Variants in EXOC4 observed in about 807,000 individuals in gnomAD.
The protein encoded by EXOC4 is SEC8-like 1.
A neutral mutation model predicts 107.2 loss-of-function variants in EXOC4; 71 were observed. The observed-to-expected ratio is 0.66, with a 90% confidence interval of 0.55 to 0.81. EXOC4 has a LOEUF of 0.81. Ranked by LOEUF, EXOC4 falls within the 30% of genes least tolerant of loss-of-function variation. EXOC4 has a pLI of 0.00. For synonymous variants in EXOC4, 456 were observed against 441.2 expected (o/e 1.03, Z -0.42); for missense variants, 1,108 against 1,189.6 (o/e 0.93, Z 1.01).
At chr7:133,497,939 G>A (rs1799509754) in intron 9 of EXOC4, among the ~76,000 whole-genome samples, 2 of 152,148 alleles carry the variant, frequency 1.3e-5, no homozygotes, top group South Asian at 2.1e-4. Context: ...TGTTACTGTG[G>A]GCTTTATAGT....
intron 2 of EXOC4, among the ~76,000 whole-genome samples, chr7:133,278,305 C>T (rs190791221): frequency 6.6e-6 from 1 of 152,248 alleles, no homozygotes; most frequent in Admixed American, 6.5e-5. Flanking sequence ...ACATTTCTGT[C>T]CTTGTGGAGT....
At position 133,296,889 on chromosome 7, in the gene EXOC4, G is replaced by A. The variant is rs191114249; in HGVS notation, c.471+7773G>A. ...CTAAATTCAGGTCACATCCCAGACC[G>A]GTTAAATAAAAGTCTCTAGGGGTGG... On this transcript the variant is annotated intron_variant, in intron 3 of 17. Coordinates refer to ENST00000253861, the MANE Select transcript of EXOC4 (RefSeq NM_021807.4). Among the ~76,000 whole-genome samples, 28 of 152,122 alleles carry A rather than the reference G, an allele frequency of 1.8e-4. 1 individual carries two copies. Among genetic ancestry groups the A allele is most frequent in the South Asian group, 1.7e-3 (8 of 4,816 alleles).
At chr7:134,100,302 T>C in the EXOC4 span, among the ~76,000 whole-genome samples, 1 of 133,118 alleles carries the variant, frequency 7.5e-6, no homozygotes, top group Admixed American at 8.2e-5. Context: ...AACAGCTCCT[T>C]CCCCAGCACC....
intron 14 of EXOC4, among the ~76,000 whole-genome samples, chr7:133,979,968 C>T (rs1172311069): frequency 6.6e-6 from 1 of 152,058 alleles, no homozygotes; most frequent in Non-Finnish European, 1.5e-5. Context: ...TACCACCTAC[C>T]TCATGCCTGA....
intron 10 of EXOC4, among the ~76,000 whole-genome samples, chr7:133,709,513 A>C (rs1794838888): frequency 6.6e-6 from 1 of 152,192 alleles, no homozygotes; most frequent in African/African-American, 2.4e-5. Context: ...ATGGGGCATA[A>C]TCATATTTAA....
At chr7:133,908,798 T>C (rs894135813) in intron 12 of EXOC4, among the ~76,000 whole-genome samples, 3 of 152,230 alleles carry the variant, frequency 2.0e-5, no homozygotes, top group African/African-American at 7.2e-5. Flanking sequence ...TTGATGATAT[T>C]ATTGATATTC....
chr7:133,309,629 A>T (rs1240927936), intron 4 of EXOC4, among the ~76,000 whole-genome samples: 1 of 152,168 alleles, frequency 6.6e-6, no homozygotes, highest in Non-Finnish European at 1.5e-5. Context: ...TGAGAATATC[A>T]GCTAAAAACC....
Position 133,273,011 on chromosome 7 carries a change from A to T in EXOC4, c.87-1971A>T, listed in dbSNP as rs556544246. On this transcript the variant is annotated intron_variant, in intron 1 of 17. Transcript: ENST00000253861. ...GGAAATCATGAAAAGCCTTGTAAAG[A>T]TGGCAAACCGATCTAGTGTAGCTTT... 6.6e-5 allele frequency among the ~76,000 whole-genome samples: 10 copies of T among 152,360 alleles called. No homozygotes were observed. The South Asian group carries it at 1.4e-3, about 22-fold the overall frequency.
chr7:133,532,405 T>C (rs1800197387), intron 9 of EXOC4, among the ~76,000 whole-genome samples: 1 of 152,096 alleles, frequency 6.6e-6, no homozygotes, highest in South Asian at 2.1e-4. Flanking sequence ...TTAGTTCCAC[T>C]CTCCCACTGT....
At chr7:133,912,335 A>C (rs948964081) in intron 12 of EXOC4, among the ~76,000 whole-genome samples, 1 of 152,222 alleles carries the variant, frequency 6.6e-6, no homozygotes, top group African/African-American at 2.4e-5. Flanking sequence ...GTAGCGTAGA[A>C]GGGAAAGGCT....
chr7:133,731,335 C>T (rs1795321402), intron 10 of EXOC4, among the ~76,000 whole-genome samples: 1 of 152,112 alleles, frequency 6.6e-6, no homozygotes, highest in Non-Finnish European at 1.5e-5. Flanking sequence ...TAACCAATAA[C>T]TTCTTATTTC....
At chr7:133,986,581 A>G (rs572358735) in intron 14 of EXOC4, among the ~76,000 whole-genome samples, 4 of 152,300 alleles carry the variant, frequency 2.6e-5, no homozygotes, top group East Asian at 1.9e-4. Context: ...GTTCAAATCA[A>G]ATGTTAATAA....
chr7:133,611,733 A>T (rs868491612), intron 9 of EXOC4, among the ~76,000 whole-genome samples: 1 of 152,092 alleles, frequency 6.6e-6, no homozygotes, highest in Non-Finnish European at 1.5e-5. Context: ...TGTCATTTCC[A>T]TGAAATGAAG....
chr7:133,471,717 T>A (rs1039490184), intron 7 of EXOC4, among the ~76,000 whole-genome samples: 11 of 152,328 alleles, frequency 7.2e-5, no homozygotes, highest in East Asian at 5.8e-4. Context: ...ATGCTTTTTT[T>A]AAAAAGTTCA....
intron 13 of EXOC4, among the ~76,000 whole-genome samples, chr7:133,936,893 T>C (rs1219209564): frequency 2.6e-5 from 4 of 152,136 alleles, no homozygotes; most frequent in African/African-American, 7.2e-5. Context: ...ACTCCTGAGC[T>C]CAGGCAATCC....
chr7:133,792,733 T>G (rs1796731217), intron 10 of EXOC4, among the ~76,000 whole-genome samples: 1 of 152,150 alleles, frequency 6.6e-6, no homozygotes. Flanking sequence ...AGTGGAGCTA[T>G]TGTAAAATAT....
At chr7:133,658,523 C>T (rs946266341) in intron 10 of EXOC4, among the ~76,000 whole-genome samples, 3 of 152,204 alleles carry the variant, frequency 2.0e-5, no homozygotes, top group African/African-American at 7.2e-5. Flanking sequence ...TACATGATTG[C>T]ACCTAGCCTG....
In EXOC4 at chr7:133,929,503, C is replaced by T. The variant is rs533410927; in HGVS notation, c.2028-8388C>T. On this transcript the variant is annotated intron_variant, in intron 13 of 17. Coordinates refer to ENST00000253861, the MANE Select transcript of EXOC4 (RefSeq NM_021807.4). ...AAAAAAAAAATGGATCATCTTAAGC[C>T]ATTTTCACTTTTTTGCCAATTTTAC... 2.0e-5 allele frequency among the ~76,000 whole-genome samples: 3 copies of T among 152,104 alleles called. No homozygotes were observed. The South Asian group carries it at 6.2e-4, about 32-fold the overall frequency.
At chr7:133,581,367 G>A (rs903509477) in intron 9 of EXOC4, among the ~76,000 whole-genome samples, 6 of 152,134 alleles carry the variant, frequency 3.9e-5, no homozygotes, top group African/African-American at 1.2e-4. Flanking sequence ...CTTGCCACGG[G>A]TGTACAGATA....
Sources: gnomAD v4.1 joint callset for allele counts (sites outside exome capture counted in the v4.1 genomes callset) on GRCh38, gnomAD v4.1.1 for gene constraint, MANE v1.5 for transcripts, NCBI Gene and HGNC (gene_info 2026-07-23, HGNC 2026-07-21) for gene names.